The following PDE4D variants were observed in gnomAD, a reference collection of about 807,000 sequenced individuals.
PDE4D encodes 3',5'-cyclic-AMP phosphodiesterase 4D.
A neutral mutation model predicts 87.4 loss-of-function variants in PDE4D; 24 were observed. The ratio of observed to expected loss-of-function variants is 0.27; its 90% CI spans 0.20 to 0.39. The LOEUF (loss-of-function observed/expected upper bound fraction) is 0.39, where lower values mean the gene tolerates loss of function less well. Among genes scored for constraint, PDE4D ranks in the 10% least tolerant of loss-of-function variants. PDE4D has a pLI of 1.00. For missense variants in PDE4D, 714 were observed against 1,041.0 expected, an observed-to-expected ratio of 0.69 and a Z score of 4.32; for synonymous variants, 384 against 383.2, an observed-to-expected ratio of 1.00 and a Z score of -0.02.
intron 3 of PDE4D, among the ~76,000 whole-genome samples, chr5:59,980,595 C>T (rs1029736796): frequency 5.3e-5 from 8 of 152,170 alleles, no homozygotes; most frequent in African/African-American, 1.9e-4. Flanking sequence ...AAACCTTCCC[C>T]TGGTACATGC....
chr5:60,354,099 T>C lies in PDE4D; in HGVS notation c.-90+133843A>G, dbSNP rs559334282. 7.9e-5 allele frequency among the ~76,000 whole-genome samples: 12 copies of C among 152,266 alleles called. No individual in the cohort carries two copies. The South Asian group carries it at 2.5e-3, about 32-fold the overall frequency. ...ATCTATGAACTAAGTGACAGAAATA[T>C]GAAAAATGTTCCAAATCAAACCTTG... On this transcript the variant is annotated intron_variant, in intron 1 of 16. Transcript: ENST00000502484.
intron 1 of PDE4D, among the ~76,000 whole-genome samples, chr5:59,456,113 A>T (rs1799889070): frequency 6.6e-6 from 1 of 152,204 alleles, no homozygotes; most frequent in African/African-American, 2.4e-5. Context: ...TTGGGGAGGC[A>T]TGATTGGTTT....
At chr5:60,127,528 G>C (rs2149390995) in intron 2 of PDE4D, 2 of 437,668 alleles carry the variant, frequency 4.6e-6, no homozygotes, top group Non-Finnish European at 8.1e-6. Flanking sequence ...GAGAGGGATA[G>C]ATGCAGCGCA....
intron 1 of PDE4D, among the ~76,000 whole-genome samples, chr5:59,457,966 C>T (rs565150821): frequency 6.6e-6 from 1 of 152,110 alleles, no homozygotes; most frequent in Non-Finnish European, 1.5e-5. Context: ...TAACGACCTA[C>T]AGTCCCACAG....
rs1185482557 is a variant in PDE4D, at chr5:59,102,368, G to A, written c.809-63397C>T. Among the ~76,000 whole-genome samples, 3 of 152,088 alleles carry A rather than the reference G, an allele frequency of 2.0e-5. No individual in the cohort carries two copies. In the East Asian group the frequency reaches 5.8e-4, roughly 29 times the overall value. ...CCCAAAGTGCTGGGGTTACAGGCAT[G>A]AGCCATCGCGCCTGGCCCCTACATT... is the stretch of plus-strand genomic sequence containing the variant. On this transcript the variant is annotated intron_variant, in intron 5 of 14. Coordinates refer to ENST00000340635, the MANE Select transcript of PDE4D (RefSeq NM_001104631.2).
chr5:59,178,295 T>C (rs547583507), intron 5 of PDE4D, among the ~76,000 whole-genome samples: 4 of 152,298 alleles, frequency 2.6e-5, no homozygotes, highest in Non-Finnish European at 5.9e-5. Flanking sequence ...TCATTTCCTG[T>C]TGTGCTTTGT....
At chr5:59,172,551 A>G (rs1783182346) in intron 5 of PDE4D, among the ~76,000 whole-genome samples, 1 of 150,510 alleles carries the variant, frequency 6.6e-6, no homozygotes, top group Non-Finnish European at 1.5e-5. Flanking sequence ...AAAAAATAAA[A>G]TAAAAAATTA....
At chr5:59,621,560 C>T (rs547347323) in intron 1 of PDE4D, among the ~76,000 whole-genome samples, 1 of 152,200 alleles carries the variant, frequency 6.6e-6, no homozygotes, top group South Asian at 2.1e-4. Flanking sequence ...AGCATAGTGG[C>T]TAATTCCTAG....
In PDE4D at chr5:60,196,564, C is replaced by A. The variant is rs150279419; in HGVS notation, c.-89-10877G>T. 3.1e-4 allele frequency among the ~76,000 whole-genome samples: 47 copies of A among 151,750 alleles called. No individual in the cohort carries two copies. The East Asian group carries it at 7.9e-3, about 26-fold the overall frequency. On this transcript the variant is annotated intron_variant, in intron 1 of 16. Coordinates refer to the PDE4D transcript ENST00000502484. ...CAGTTTCGTCCTGTGAATCATAGGA[C>A]AGCATGGTGCGTAGTTTGCTGGCCT...
chr5:59,109,566 G>A (rs1468092535), intron 5 of PDE4D, among the ~76,000 whole-genome samples: 1 of 152,158 alleles, frequency 6.6e-6, no homozygotes, highest in African/African-American at 2.4e-5. Context: ...CAAGTGGGGT[G>A]GAAGCTGGGC....
chr5:59,598,989 A>G (rs546052700), intron 1 of PDE4D, among the ~76,000 whole-genome samples: 3 of 152,104 alleles, frequency 2.0e-5, no homozygotes, highest in Non-Finnish European at 2.9e-5. Context: ...TTGAATGCAC[A>G]TCTCTTTTGG....
intron 1 of PDE4D, among the ~76,000 whole-genome samples, chr5:59,530,462 C>T (rs994066934): frequency 6.6e-6 from 1 of 152,034 alleles, no homozygotes; most frequent in Non-Finnish European, 1.5e-5. Context: ...TTGTATATAA[C>T]CTACACACAT....
At position 59,200,062 on chromosome 5, in the gene PDE4D, T is replaced by TAG. The variant is rs373105313; in HGVS notation, c.648-6527_648-6526insCT. The stretch of plus-strand genomic sequence containing the variant: ...ACACACGTATGTACACACATGCATG[T>TAG]ACACACACGTATGCACACATACATG... On this transcript the variant is annotated intron_variant, in intron 2 of 14. Coordinates refer to ENST00000340635, the MANE Select transcript of PDE4D (RefSeq NM_001104631.2). Among the ~76,000 whole-genome samples the TAG allele has an allele frequency of 2.1e-4, 17 of 82,078 alleles. No homozygotes were observed. The East Asian group carries it at 2.9e-3, about 14-fold the overall frequency. The allele number at this position is 82,078 out of a possible 152,430, so 53.8% of individuals were successfully genotyped here. A position where few individuals can be genotyped will look rare whatever the true frequency, so the allele number is the denominator to read the frequency against.
chr5:60,084,388 ACG>A (rs1491288568), intron 2 of PDE4D, among the ~76,000 whole-genome samples: 38 of 125,900 alleles, frequency 3.0e-4, no homozygotes, highest in Non-Finnish European at 2.6e-4. Context: ...TCGCATCTTA[ACG>A]TGTGTGTGTG....
intron 2 of PDE4D, among the ~76,000 whole-genome samples, chr5:60,129,227 G>C (rs2149394388): frequency 6.6e-6 from 1 of 152,326 alleles, no homozygotes; most frequent in East Asian, 1.9e-4. Context: ...GCTTGGCAGA[G>C]ATGCCGAGGA....
intron 2 of PDE4D, among the ~76,000 whole-genome samples, chr5:60,030,435 C>T (rs546841956): frequency 5.9e-5 from 9 of 152,022 alleles, no homozygotes; most frequent in Non-Finnish European, 1.3e-4. Context: ...CCGGCCTGGG[C>T]GACAGAGCGA....
At chr5:59,557,521 C>T (rs1017775814) in intron 1 of PDE4D, among the ~76,000 whole-genome samples, 1 of 150,506 alleles carries the variant, frequency 6.6e-6, no homozygotes, top group South Asian at 2.1e-4. Flanking sequence ...TTTTTTTTTT[C>T]CACTTTGTCA....
At chr5:59,788,532 T>C (rs369388457) in intron 1 of PDE4D, among the ~76,000 whole-genome samples, 3 of 152,340 alleles carry the variant, frequency 2.0e-5, no homozygotes, top group Middle Eastern at 6.8e-3. Flanking sequence ...TTAACATCCA[T>C]TGGAGCAGCT....
chr5:59,058,831 T>C (rs1762720446), intron 5 of PDE4D, among the ~76,000 whole-genome samples: 1 of 152,140 alleles, frequency 6.6e-6, no homozygotes, highest in African/African-American at 2.4e-5. Context: ...TGGGTCTCTT[T>C]TGCACATCAG....
Sources: gnomAD v4.1 joint callset for allele counts (sites outside exome capture counted in the v4.1 genomes callset) on GRCh38, gnomAD v4.1.1 for gene constraint, MANE v1.5 for transcripts, NCBI Gene and HGNC (gene_info 2026-07-23, HGNC 2026-07-21) for gene names.